The following TMCC1 variants were observed in gnomAD, a reference collection of about 807,000 sequenced individuals.
The protein encoded by TMCC1 is transmembrane and coiled-coil domains protein 1.
Under a neutral mutation model 52.4 loss-of-function variants are expected in TMCC1, and 15 were observed. That is an observed-to-expected ratio of 0.29 (90% confidence interval 0.19 to 0.44). The LOEUF (loss-of-function observed/expected upper bound fraction) is 0.44, where lower values mean the gene tolerates loss of function less well. TMCC1 is among the 20% of genes least tolerant of loss of function. The pLI, the probability that TMCC1 is intolerant of heterozygous loss-of-function variation, is 1.00. For missense variants in TMCC1, 503 were observed against 806.0 expected, an observed-to-expected ratio of 0.62 and a Z score of 4.55; for synonymous variants, 279 against 301.9, an observed-to-expected ratio of 0.92 and a Z score of 0.79.
chr3:129,854,396 A>AG, intron 2 of TMCC1, among the ~76,000 whole-genome samples: 1 of 8,688 alleles, frequency 1.2e-4, no homozygotes, highest in South Asian at 0.014. Context: ...TCAAAAAAAA[A>AG]AGAAAAAAAA....
chr3:129,865,775 G>C (rs1447166603), intron 2 of TMCC1, among the ~76,000 whole-genome samples: 1 of 152,152 alleles, frequency 6.6e-6, no homozygotes, highest in Non-Finnish European at 1.5e-5. Flanking sequence ...AGACTGGTTG[G>C]CTAAATGAAT....
intron 4 of TMCC1, among the ~76,000 whole-genome samples, chr3:129,716,929 G>A (rs1215123319): frequency 5.3e-5 from 8 of 152,186 alleles, no homozygotes; most frequent in African/African-American, 9.6e-5. Flanking sequence ...GTGAGTGGCT[G>A]AGTCTGTGTT....
intron 2 of TMCC1, among the ~76,000 whole-genome samples, chr3:129,856,485 A>T (rs2060151643): frequency 6.6e-6 from 1 of 152,198 alleles, no homozygotes; most frequent in Non-Finnish European, 1.5e-5. Flanking sequence ...CTGCTCTAGG[A>T]TCTACAATTC....
rs546945721 is a variant in TMCC1 at position 129,805,754 on chromosome 3, G to A, written c.576+22049C>T. ...TTGAGACCAGACTGGGCCACATAGC[G>A]AGACTCCATCTCTACAAAAAAACAA... is the stretch of plus-strand genomic sequence containing the variant. On this transcript the variant is annotated intron_variant, in intron 4 of 6. Coordinates refer to ENST00000393238, the MANE Select transcript of TMCC1 (RefSeq NM_001017395.5). 3.3e-5 allele frequency among the ~76,000 whole-genome samples: 5 copies of A among 151,898 alleles called. No individual in the cohort carries two copies. The East Asian group carries it at 5.8e-4, about 18-fold the overall frequency.
chr3:129,722,853 C>T (rs1178373147), intron 4 of TMCC1, among the ~76,000 whole-genome samples: 3 of 152,082 alleles, frequency 2.0e-5, no homozygotes, highest in African/African-American at 7.2e-5. Context: ...AGGGTACAGA[C>T]CAGAGGCACA....
At chr3:129,725,747 C>T (rs2050027189) in intron 4 of TMCC1, among the ~76,000 whole-genome samples, 1 of 151,734 alleles carries the variant, frequency 6.6e-6, no homozygotes, top group African/African-American at 2.4e-5. Context: ...TTAAGATGCA[C>T]AAGAAACAGT....
At chr3:129,797,085 G>A (rs1203453711) in intron 4 of TMCC1, among the ~76,000 whole-genome samples, 1 of 152,162 alleles carries the variant, frequency 6.6e-6, no homozygotes, top group East Asian at 1.9e-4. Context: ...CAGCACTTTG[G>A]GAGGCTGAGG....
intron 4 of TMCC1, among the ~76,000 whole-genome samples, chr3:129,794,910 G>A (rs2056718663): frequency 6.6e-6 from 1 of 152,146 alleles, no homozygotes; most frequent in African/African-American, 2.4e-5. Context: ...CCTTTAAGGT[G>A]AGGCAGTGTG....
At chr3:129,754,255 G>A (rs1439954488) in intron 4 of TMCC1, among the ~76,000 whole-genome samples, 2 of 152,118 alleles carry the variant, frequency 1.3e-5, no homozygotes, top group Non-Finnish European at 1.5e-5. Context: ...AATGGAAAGG[G>A]ACACCATGTC....
chr3:129,766,574 T>G (rs1345570920), intron 4 of TMCC1, among the ~76,000 whole-genome samples: 1 of 152,200 alleles, frequency 6.6e-6, no homozygotes, highest in African/African-American at 2.4e-5. Context: ...TTATTTAGAT[T>G]GTATGACAAT....
Position 129,857,564 on chromosome 3 carries a change from A to AT in TMCC1, c.-184+22744dup, listed in dbSNP as rs562623388. ...AATGTCCAAGTACTTTTTTTTTAAT[A>AT]TTTTTTTTTCTTTTTGAGACGGAGT... On this transcript the variant is annotated intron_variant, in intron 2 of 6. Coordinates refer to ENST00000393238, the MANE Select transcript of TMCC1 (RefSeq NM_001017395.5). 2.7e-4 allele frequency among the ~76,000 whole-genome samples: 41 copies of AT among 150,988 alleles called. No homozygotes were observed. The South Asian group carries it at 3.4e-3, about 12-fold the overall frequency.
At chr3:129,852,322 T>C (rs1050112256) in intron 2 of TMCC1, among the ~76,000 whole-genome samples, 13 of 151,902 alleles carry the variant, frequency 8.6e-5, no homozygotes, top group Admixed American at 2.0e-4. Flanking sequence ...TTGGATGTGG[T>C]GGCATGTGCC....
chr3:129,708,715 T>C (rs922615406), intron 4 of TMCC1, among the ~76,000 whole-genome samples: 9 of 152,246 alleles, frequency 5.9e-5, no homozygotes, highest in African/African-American at 2.2e-4. Context: ...AGAGACCTTG[T>C]TCCAGGCTGA....
At chr3:129,769,102 T>A (rs2054344293) in intron 4 of TMCC1, among the ~76,000 whole-genome samples, 1 of 152,196 alleles carries the variant, frequency 6.6e-6, no homozygotes, top group Admixed American at 6.5e-5. Flanking sequence ...TTCAAGCCCT[T>A]CACACCTCCC....
At chr3:129,729,122 A>G (rs1314266703) in intron 4 of TMCC1, among the ~76,000 whole-genome samples, 1 of 152,074 alleles carries the variant, frequency 6.6e-6, no homozygotes, top group Non-Finnish European at 1.5e-5. Context: ...GAGTATGTTT[A>G]ACTTAAAAAA....
intron 4 of TMCC1, among the ~76,000 whole-genome samples, chr3:129,709,912 C>G (rs1024782717): frequency 1.3e-5 from 2 of 151,948 alleles, no homozygotes; most frequent in Non-Finnish European, 2.9e-5. Context: ...AGTAGCCAGG[C>G]GCGGTGGCTC....
At chr3:129,772,292 G>A (rs915974762) in intron 4 of TMCC1, among the ~76,000 whole-genome samples, 3 of 152,154 alleles carry the variant, frequency 2.0e-5, no homozygotes, top group Non-Finnish European at 4.4e-5. Flanking sequence ...AGTGAGTCGA[G>A]GTCGTGCCAC....
chr3:129,792,199 T>C (rs902413726), intron 4 of TMCC1, among the ~76,000 whole-genome samples: 15 of 150,282 alleles, frequency 1.0e-4, no homozygotes, highest in Non-Finnish European at 1.6e-4. Flanking sequence ...CATATATATA[T>C]ATACACATAT....
intron 4 of TMCC1, among the ~76,000 whole-genome samples, chr3:129,814,829 C>A (rs2058017881): frequency 1.3e-5 from 2 of 152,072 alleles, no homozygotes; most frequent in Non-Finnish European, 2.9e-5. Flanking sequence ...TAAAGATAAA[C>A]TGGTTAATTC....
Sources: allele counts gnomAD v4.1 joint callset (sites outside exome capture counted in the v4.1 genomes callset), GRCh38; gene constraint gnomAD v4.1.1; transcripts MANE v1.5; gene names NCBI Gene and HGNC (gene_info 2026-07-23, HGNC 2026-07-21).